Variants in PIR observed in about 807,000 individuals in gnomAD.
PIR encodes the protein pirin.
A neutral mutation model predicts 24.2 loss-of-function variants in PIR; 22 were observed. The ratio of observed to expected loss-of-function variants is 0.91; its 90% CI spans 0.65 to 1.30. The LOEUF is 1.30. Ranked by LOEUF, PIR falls within the 50% of genes most tolerant of loss-of-function variation. The pLI, the probability that PIR is intolerant of heterozygous loss-of-function variation, is 0.00. For missense variants in PIR, 220 were observed against 220.3 expected, an observed-to-expected ratio of 1.00 and a Z score of 0.01; for synonymous variants, 80 against 79.6, an observed-to-expected ratio of 1.00 and a Z score of -0.03.
chrX:15,403,446 G>A (rs1275688533), intron 7 of PIR, among the ~76,000 whole-genome samples: 1 of 112,265 alleles, frequency 8.9e-6, no homozygotes, highest in Non-Finnish European at 1.9e-5. Flanking sequence ...AAGCTACAAG[G>A]ATACAGGATG....
intron 4 of PIR, among the ~76,000 whole-genome samples, chrX:15,456,343 T>C (rs1921084560): frequency 1.8e-5 from 2 of 111,880 alleles, no homozygotes. Flanking sequence ...AGCTCTAAGA[T>C]GGGGAGTTGC....
intron 2 of PIR, among the ~76,000 whole-genome samples, chrX:15,488,293 A>AG (rs1264740840): frequency 6.5e-5 from 5 of 77,411 alleles, no homozygotes; most frequent in African/African-American, 2.5e-4. Context: ...AAAAAAAAAA[A>AG]AAAAAAAGAA....
At chrX:15,464,526 C>A in intron 3 of PIR, 1 of 476,088 alleles carries the variant, frequency 2.1e-6, no homozygotes, top group Non-Finnish European at 2.6e-6. Context: ...CAAGGAGAAA[C>A]ACTAAGAATC....
At chrX:15,454,381 T>C (rs1264490595) in intron 5 of PIR, among the ~76,000 whole-genome samples, 1 of 110,811 alleles carries the variant, frequency 9.0e-6, no homozygotes, top group Non-Finnish European at 1.9e-5. Flanking sequence ...TGCTTAACTT[T>C]GTGAACTTTG....
chrX:15,462,881 T>C (rs1418325338), intron 3 of PIR, among the ~76,000 whole-genome samples: 1 of 112,021 alleles, frequency 8.9e-6, no homozygotes, highest in Non-Finnish European at 1.9e-5. Flanking sequence ...TCCTATAATG[T>C]CCTAGGTACT....
chrX:15,419,420 G>A (rs920009577), intron 6 of PIR, among the ~76,000 whole-genome samples: 12 of 108,471 alleles, frequency 1.1e-4, no homozygotes, highest in African/African-American at 4.0e-4. Flanking sequence ...GAGGGAGAGA[G>A]AGAGAGAGAT....
intron 9 of PIR, among the ~76,000 whole-genome samples, chrX:15,388,516 A>G (rs1923847919): frequency 8.9e-6 from 1 of 112,400 alleles, no homozygotes; most frequent in African/African-American, 3.2e-5. Flanking sequence ...GGTTGTTTTG[A>G]AGGTTAGACG....
intron 4 of PIR, among the ~76,000 whole-genome samples, chrX:15,458,666 G>A (rs1569206995): frequency 1.8e-5 from 2 of 112,065 alleles, no homozygotes; most frequent in South Asian, 7.4e-4. Context: ...ACTACTTATC[G>A]CAAAGAGATC....
At chrX:15,403,339 C>G (rs1040906231) in intron 7 of PIR, among the ~76,000 whole-genome samples, 6 of 112,244 alleles carry the variant, frequency 5.3e-5, no homozygotes, top group Non-Finnish European at 1.1e-4. Flanking sequence ...TAAACACAAA[C>G]AAATGTTTTT....
intron 5 of PIR, among the ~76,000 whole-genome samples, chrX:15,454,132 C>T (rs754785365): frequency 1.8e-5 from 2 of 111,161 alleles, no homozygotes; most frequent in East Asian, 5.7e-4. Context: ...CCCTTTAGAC[C>T]GCTCTGCCTG....
At chrX:15,386,770 C>T (rs943737430) in intron 9 of PIR, among the ~76,000 whole-genome samples, 1 of 110,444 alleles carries the variant, frequency 9.1e-6, no homozygotes, top group Non-Finnish European at 1.9e-5. Context: ...GAAAAAATGG[C>T]GATCTGAAAT....
chrX:15,491,737 C>T (rs1054221301), intron 1 of PIR, among the ~76,000 whole-genome samples: 1 of 111,300 alleles, frequency 9.0e-6, no homozygotes, highest in African/African-American at 3.3e-5. Flanking sequence ...ATACTCACCA[C>T]GGTGTTGCAG....
chrX:15,417,039 C>A (rs1431724816), intron 6 of PIR, among the ~76,000 whole-genome samples: 1 of 111,938 alleles, frequency 8.9e-6, no homozygotes, highest in Non-Finnish European at 1.9e-5. Flanking sequence ...TCAAGCAATT[C>A]TCATGCCTCA....
chrX:15,451,898 C>T (rs775299179), intron 5 of PIR, among the ~76,000 whole-genome samples: 1 of 112,373 alleles, frequency 8.9e-6, no homozygotes, highest in Non-Finnish European at 1.9e-5. Context: ...TTGCAGAGGG[C>T]TTACTCTGCA....
intron 8 of PIR, among the ~76,000 whole-genome samples, chrX:15,396,792 G>C (rs1220660026): frequency 9.2e-6 from 1 of 108,137 alleles, no homozygotes; most frequent in Non-Finnish European, 1.9e-5. Context: ...CCCAGCTGGA[G>C]TGCAGTGGCG....
chrX:15,393,017 A>G (rs1487129149), intron 8 of PIR, among the ~76,000 whole-genome samples: 1 of 112,279 alleles, frequency 8.9e-6, no homozygotes, highest in South Asian at 3.7e-4. Context: ...GCAAAAGCCA[A>G]GAGAATTAAA....
At chrX:15,442,143 C>T (rs929934924) in intron 5 of PIR, among the ~76,000 whole-genome samples, 3 of 109,723 alleles carry the variant, frequency 2.7e-5, no homozygotes, top group African/African-American at 1.0e-4. Context: ...GTCATTTTTC[C>T]AACAGCATGT....
intron 7 of PIR, among the ~76,000 whole-genome samples, chrX:15,407,157 T>C (rs1340233865): frequency 4.4e-5 from 5 of 112,443 alleles, no homozygotes; most frequent in African/African-American, 1.6e-4. Context: ...TCCCAGGAGA[T>C]AGGCAGATTC....
chrX:15,406,065 C>G (rs941929712), intron 7 of PIR, among the ~76,000 whole-genome samples: 1 of 112,159 alleles, frequency 8.9e-6, no homozygotes. Flanking sequence ...GTGTATTGCC[C>G]AAGGAGGTGG....
Sources: gnomAD v4.1 joint callset for allele counts (sites outside exome capture counted in the v4.1 genomes callset) on GRCh38, gnomAD v4.1.1 for gene constraint, MANE v1.5 for transcripts, NCBI Gene and HGNC (gene_info 2026-07-23, HGNC 2026-07-21) for gene names.